Variants in PGCKA1 observed in about 807,000 individuals in gnomAD.
The protein encoded by PGCKA1 is PDCD10 and GCKIII kinases associated 1.
chr4:37,559,627 C>A, the PGCKA1 span, among the ~76,000 whole-genome samples: 1 of 152,034 alleles, frequency 6.6e-6, no homozygotes, highest in Non-Finnish European at 1.5e-5. Context: ...AATTCAGTTT[C>A]TCAGGCCCCA....
chr4:37,513,449 A>G, the PGCKA1 span, among the ~76,000 whole-genome samples: 1 of 152,226 alleles, frequency 6.6e-6, no homozygotes, highest in African/African-American at 2.4e-5. Context: ...TGTAGATGGC[A>G]TATTCTACTA....
the PGCKA1 span, among the ~76,000 whole-genome samples, chr4:37,513,742 A>G: frequency 6.6e-6 from 1 of 152,208 alleles, no homozygotes; most frequent in Non-Finnish European, 1.5e-5. Flanking sequence ...ACTCTGTACA[A>G]ACAGTTTTGA....
chr4:37,512,826 C>T, the PGCKA1 span, among the ~76,000 whole-genome samples: 520 of 152,122 alleles, frequency 3.4e-3, 7 homozygotes, highest in African/African-American at 0.012. Context: ...AGGTGGCTCA[C>T]GCCTCTAATC....
the PGCKA1 span, among the ~76,000 whole-genome samples, chr4:37,508,562 T>C: frequency 1.3e-5 from 2 of 151,958 alleles, no homozygotes; most frequent in South Asian, 4.2e-4. Context: ...ATGAAAAATG[T>C]CAAATAGTAC....
At chr4:37,489,016 G>A in the PGCKA1 span, among the ~76,000 whole-genome samples, 1 of 152,122 alleles carries the variant, frequency 6.6e-6, no homozygotes, top group South Asian at 2.1e-4. Context: ...TTCCTAAGTG[G>A]TTCCTCAGGC....
At chr4:37,525,334 A>C in the PGCKA1 span, among the ~76,000 whole-genome samples, 2 of 152,212 alleles carry the variant, frequency 1.3e-5, no homozygotes, top group African/African-American at 4.8e-5. Context: ...ACTTCAAAAT[A>C]GGTCTTTACA....
chr4:37,548,591 T>C, the PGCKA1 span, among the ~76,000 whole-genome samples: 2 of 151,938 alleles, frequency 1.3e-5, no homozygotes, highest in African/African-American at 4.8e-5. Flanking sequence ...ACATGAAAAA[T>C]TGGATAAATA....
chr4:37,592,352 T>G, the PGCKA1 span, among the ~76,000 whole-genome samples: 2 of 80,218 alleles, frequency 2.5e-5, no homozygotes, highest in Admixed American at 1.4e-4. Flanking sequence ...CCCATCTCTA[T>G]GAAAAAAAAA....
the PGCKA1 span, among the ~76,000 whole-genome samples, chr4:37,557,330 A>C: frequency 6.6e-6 from 1 of 152,188 alleles, no homozygotes; most frequent in Non-Finnish European, 1.5e-5. Flanking sequence ...GCACATTGTC[A>C]TGTAATGTTT....
the PGCKA1 span, chr4:37,558,218 T>C: frequency 2.0e-5 from 3 of 152,222 alleles, no homozygotes; most frequent in Non-Finnish European, 4.4e-5. Flanking sequence ...CCCCAAAGTC[T>C]CCTTCTTTCT....
chr4:37,500,741 T>C, the PGCKA1 span, among the ~76,000 whole-genome samples: 2 of 152,236 alleles, frequency 1.3e-5, no homozygotes, highest in Non-Finnish European at 2.9e-5. Context: ...CCAGTATTAT[T>C]GTGTGGGAAT....
At chr4:37,553,847 TAAACAC>T in the PGCKA1 span, among the ~76,000 whole-genome samples, 1 of 152,234 alleles carries the variant, frequency 6.6e-6, no homozygotes, top group South Asian at 2.1e-4. Context: ...AATGTGCAGA[TAAACAC>T]TGATGAAACC....
chr4:37,506,174 C>T, the PGCKA1 span, among the ~76,000 whole-genome samples: 1 of 152,046 alleles, frequency 6.6e-6, no homozygotes, highest in Non-Finnish European at 1.5e-5. Flanking sequence ...GGTCTTCTCC[C>T]TACTTTTCTT....
the PGCKA1 span, among the ~76,000 whole-genome samples, chr4:37,549,263 A>C: frequency 6.6e-6 from 1 of 152,132 alleles, no homozygotes; most frequent in South Asian, 2.1e-4. Flanking sequence ...TTTACTGGGC[A>C]CTCTGCCAAA....
the PGCKA1 span, among the ~76,000 whole-genome samples, chr4:37,498,116 C>T: frequency 6.6e-6 from 1 of 152,104 alleles, no homozygotes; most frequent in Non-Finnish European, 1.5e-5. Flanking sequence ...CCAGTGTCAT[C>T]CTCCTACATG....
chr4:37,574,309 A>G, the PGCKA1 span, among the ~76,000 whole-genome samples: 539 of 152,222 alleles, frequency 3.5e-3, 4 homozygotes, highest in African/African-American at 0.012. Context: ...TTTCCCTTTC[A>G]TATACTACTT....
At chr4:37,525,788 T>C in the PGCKA1 span, among the ~76,000 whole-genome samples, 1 of 152,218 alleles carries the variant, frequency 6.6e-6, no homozygotes, top group African/African-American at 2.4e-5. Flanking sequence ...GGGAAGCCTA[T>C]TTATACCTTG....
the PGCKA1 span, among the ~76,000 whole-genome samples, chr4:37,555,377 C>T: frequency 6.6e-6 from 1 of 152,274 alleles, no homozygotes; most frequent in Non-Finnish European, 1.5e-5. Flanking sequence ...GTGACGTTAT[C>T]AATTCATAGA....
At chr4:37,571,133 G>A in the PGCKA1 span, among the ~76,000 whole-genome samples, 1 of 152,138 alleles carries the variant, frequency 6.6e-6, no homozygotes, top group Non-Finnish European at 1.5e-5. Flanking sequence ...GAGCTCATGT[G>A]TAGTAGGGAA....
Sources: gnomAD v4.1 joint callset for allele counts (sites outside exome capture counted in the v4.1 genomes callset) on GRCh38, gnomAD v4.1.1 for gene constraint, MANE v1.5 for transcripts, NCBI Gene and HGNC (gene_info 2026-07-23, HGNC 2026-07-21) for gene names.